Variants in GFRA2 observed in about 807,000 individuals in gnomAD.
GFRA2 encodes the protein GDNF family receptor alpha-2.
In GFRA2, 17 loss-of-function variants were observed where a neutral mutation model predicts 48.3. The ratio of observed to expected loss-of-function variants is 0.35; its 90% CI spans 0.24 to 0.53. The LOEUF (loss-of-function observed/expected upper bound fraction) is 0.53, where lower values mean the gene tolerates loss of function less well. Among genes scored for constraint, GFRA2 ranks in the 20% least tolerant of loss-of-function variants. GFRA2 has a pLI of 0.93. For missense variants in GFRA2, 660 were observed against 637.3 expected, an observed-to-expected ratio of 1.04 and a Z score of -0.38; for synonymous variants, 305 against 257.2, an observed-to-expected ratio of 1.19 and a Z score of -1.78.
chr8:21,733,791 C>T (rs1049497144), intron 4 of GFRA2, among the ~76,000 whole-genome samples: 1 of 152,152 alleles, frequency 6.6e-6, no homozygotes. Flanking sequence ...GCCGACCCCG[C>T]GCAGTTAGAG....
At chr8:21,794,960 A>G (rs1009076496) in intron 2 of GFRA2, among the ~76,000 whole-genome samples, 7 of 152,360 alleles carry the variant, frequency 4.6e-5, no homozygotes, top group South Asian at 2.1e-4. Context: ...ATTTCAGTCA[A>G]TGTTCTCAGT....
At chr8:21,701,550 C>A (rs975744118) in intron 7 of GFRA2, among the ~76,000 whole-genome samples, 2 of 152,228 alleles carry the variant, frequency 1.3e-5, no homozygotes, top group Non-Finnish European at 2.9e-5. Context: ...GCTCTCTCAG[C>A]TGTCCTGCCC....
upstream of GFRA2, among the ~76,000 whole-genome samples, chr8:21,789,839 G>C (rs1807505703): frequency 6.6e-6 from 1 of 152,078 alleles, no homozygotes. Flanking sequence ...CCACCTCCTC[G>C]GAGGCCGGCA....
chr8:21,714,741 G>T lies in GFRA2; in HGVS notation c.795-8700C>A, dbSNP rs1441078293. ...TTCACAATGAGGACACAGAAGCTCA[G>T]AAAGGCTGGATCGCACAGTCACACA... On this transcript the variant is annotated intron_variant, in intron 4 of 8. Transcript: ENST00000524240. Among the ~76,000 whole-genome samples the T allele has an allele frequency of 2.6e-5, 4 of 152,308 alleles. No individual in the cohort carries two copies. In the East Asian group the frequency reaches 7.7e-4, roughly 29 times the overall value.
intron 3 of GFRA2, among the ~76,000 whole-genome samples, chr8:21,762,458 T>C (rs1480587001): frequency 6.6e-6 from 1 of 152,134 alleles, no homozygotes; most frequent in East Asian, 1.9e-4. Flanking sequence ...ATCTCAACTT[T>C]CTTTCTGAAC....
chr8:21,713,036 CG>C (rs1803144165), intron 4 of GFRA2, among the ~76,000 whole-genome samples: 1 of 145,724 alleles, frequency 6.9e-6, no homozygotes, highest in South Asian at 2.2e-4. Context: ...GAGAGGGAGA[CG>C]AGGGAGAGGG....
chr8:21,776,026 T>C (rs1806683552), intron 2 of GFRA2, among the ~76,000 whole-genome samples: 1 of 143,274 alleles, frequency 7.0e-6, no homozygotes, highest in Non-Finnish European at 1.5e-5. Context: ...TGTGTGTGTG[T>C]GTGTGTGTGT....
intron 1 of GFRA2, among the ~76,000 whole-genome samples, chr8:21,812,031 C>T (rs1448048613): frequency 6.6e-6 from 1 of 152,210 alleles, no homozygotes; most frequent in Non-Finnish European, 1.5e-5. Context: ...CCCGCACTCC[C>T]CCCAGCCCCT....
intron 7 of GFRA2, among the ~76,000 whole-genome samples, chr8:21,697,609 T>C (rs1802273154): frequency 6.6e-6 from 1 of 152,104 alleles, no homozygotes; most frequent in Non-Finnish European, 1.5e-5. Context: ...CTCCCTGCCC[T>C]CCAGGGGCTC....
At chr8:21,714,246 C>CTTTGTTTTTT (rs1803218184) in intron 4 of GFRA2, among the ~76,000 whole-genome samples, 1 of 78,400 alleles carries the variant, frequency 1.3e-5, no homozygotes, top group Non-Finnish European at 2.2e-5. Flanking sequence ...GTCTGAAGTT[C>CTTTGTTTTTT]TTTTTTTTTT....
chr8:21,730,932 C>T (rs1207606147), intron 4 of GFRA2, among the ~76,000 whole-genome samples: 3 of 152,162 alleles, frequency 2.0e-5, no homozygotes, highest in Non-Finnish European at 2.9e-5. Context: ...AAGTTCCATG[C>T]GTACCCCGAG....
intron 8 of GFRA2, among the ~76,000 whole-genome samples, chr8:21,694,242 G>C (rs1234577654): frequency 6.6e-6 from 1 of 151,652 alleles, no homozygotes; most frequent in Non-Finnish European, 1.5e-5. Flanking sequence ...GCTCAGAGCA[G>C]CCATTTGTCT....
At chr8:21,713,998 G>A (rs1730028693) in intron 4 of GFRA2, among the ~76,000 whole-genome samples, 2 of 152,142 alleles carry the variant, frequency 1.3e-5, no homozygotes, top group Admixed American at 6.5e-5. Context: ...GCACGTGTTT[G>A]TGTACAAACA....
chr8:21,781,709 T>C (rs990095071), intron 2 of GFRA2, among the ~76,000 whole-genome samples: 1 of 152,134 alleles, frequency 6.6e-6, no homozygotes, highest in East Asian at 1.9e-4. Flanking sequence ...TGCCCTCAAC[T>C]GTTCCTACAA....
chr8:21,790,082 G>T (rs1807521973), upstream of GFRA2: 1 of 985,280 alleles, frequency 1.0e-6, no homozygotes, highest in Non-Finnish European at 1.2e-6. Context: ...GCGTGTTTTA[G>T]TCGCAGAATT....
intron 3 of GFRA2, among the ~76,000 whole-genome samples, chr8:21,760,975 G>A (rs906378739): frequency 2.6e-5 from 4 of 152,170 alleles, no homozygotes; most frequent in African/African-American, 9.7e-5. Flanking sequence ...ACAATGAGAT[G>A]TAGAATAAAT....
chr8:21,727,673 C>T (rs986837880), intron 4 of GFRA2, among the ~76,000 whole-genome samples: 2 of 152,158 alleles, frequency 1.3e-5, no homozygotes, highest in Non-Finnish European at 1.5e-5. Flanking sequence ...GCGGGTTGGA[C>T]GCTACTGCTC....
At chr8:21,760,805 C>T (rs11775754) in intron 3 of GFRA2, among the ~76,000 whole-genome samples, 42,744 of 151,916 alleles carry the variant, frequency 0.28, 6,338 homozygotes, top group East Asian at 0.4. Context: ...AACTCTGGGT[C>T]GCCTTATGTT....
chr8:21,795,021 T>C (rs1479722759), intron 2 of GFRA2, among the ~76,000 whole-genome samples: 6 of 152,178 alleles, frequency 3.9e-5, no homozygotes, highest in African/African-American at 1.4e-4. Flanking sequence ...GGAGCTCTGG[T>C]TTTACCCAGC....
Sources: allele counts gnomAD v4.1 joint callset (sites outside exome capture counted in the v4.1 genomes callset), GRCh38; gene constraint gnomAD v4.1.1; transcripts MANE v1.5; gene names NCBI Gene and HGNC (gene_info 2026-07-23, HGNC 2026-07-21).